IL23R: variants seen among roughly 807,000 people sequenced by gnomAD.
IL23R encodes the protein interleukin 23 receptor, also known as interleukin-23 receptor.
A neutral mutation model predicts 56.9 loss-of-function variants in IL23R; 34 were observed. The observed-to-expected ratio is 0.60, with a 90% CI of 0.45 to 0.80. The LOEUF (loss-of-function observed/expected upper bound fraction) is 0.80, where lower values mean the gene tolerates loss of function less well. IL23R is among the 30% of genes least tolerant of loss of function. The probability of loss-of-function intolerance (pLI) is 0.00; values close to 1 mark genes in which losing one functional copy is unlikely to be tolerated. For missense variants in IL23R, 635 were observed against 730.0 expected (o/e 0.87, Z 1.50); for synonymous variants, 230 against 249.2 (o/e 0.92, Z 0.73).
At chr1:67,222,685 C>A (rs570545121) in intron 7 of IL23R, among the ~76,000 whole-genome samples, 1 of 152,038 alleles carries the variant, frequency 6.6e-6, no homozygotes, top group African/African-American at 2.4e-5. Flanking sequence ...GTGTAATTAG[C>A]GCTACTTTAC....
At chr1:67,258,363 A>G (rs1653064850) in intron 10 of IL23R, 115 bp from the exon 11 acceptor site, 1 of 704,462 alleles carries the variant, frequency 1.4e-6, no homozygotes, top group African/African-American at 1.8e-5. Context: ...ACAATATGAG[A>G]AAATGGAGGG....
At chr1:67,164,173 A>G (rs370266112), upstream of IL23R, among the ~76,000 whole-genome samples, 1 of 152,206 alleles carries the variant, frequency 6.6e-6, no homozygotes, top group South Asian at 2.1e-4. Flanking sequence ...AAAAACAAAA[A>G]CAATAAAGGC....
chr1:67,239,260 G>C (rs1227974858), intron 8 of IL23R, among the ~76,000 whole-genome samples: 7 of 152,058 alleles, frequency 4.6e-5, no homozygotes, highest in African/African-American at 1.7e-4. Flanking sequence ...CATTGGTTTT[G>C]TTTGTTTGTT....
At position 67,177,635 on chromosome 1, in the gene IL23R, T is replaced by C. The variant is rs1027875731; in HGVS notation, c.368-5201T>C. 5.3e-5 allele frequency among the ~76,000 whole-genome samples: 8 copies of C among 151,606 alleles called. 1 individual carries two copies. Among genetic ancestry groups the C allele is most frequent in the African/African-American group, 2.0e-4 (8 of 40,880 alleles). On this transcript the variant is annotated intron_variant, in intron 3 of 10. Transcript: ENST00000347310. The stretch of plus-strand genomic sequence containing the variant: ...CTCTTTAGTTTAATTAGATCCCATT[T>C]GTCAATTTTGGCTTTTGTTGCCATT...
chr1:67,238,031 G>A (rs1651597711), intron 8 of IL23R, among the ~76,000 whole-genome samples: 1 of 152,104 alleles, frequency 6.6e-6, no homozygotes, highest in African/African-American at 2.4e-5. Context: ...AGAAAAGTCA[G>A]GTGGTGGTGA....
chr1:67,245,597 G>A (rs1570917835), intron 9 of IL23R, among the ~76,000 whole-genome samples: 1 of 152,136 alleles, frequency 6.6e-6, no homozygotes, highest in African/African-American at 2.4e-5. Flanking sequence ...TTCTGTTTAT[G>A]TGATGGATTA....
intron 3 of IL23R, among the ~76,000 whole-genome samples, chr1:67,170,858 G>A (rs1371192599): frequency 6.6e-6 from 1 of 152,132 alleles, no homozygotes; most frequent in Non-Finnish European, 1.5e-5. Context: ...GCTCTATAAT[G>A]AGGCCATTGT....
At chr1:67,150,560 T>C (rs574907068) in intron 1 of IL23R, among the ~76,000 whole-genome samples, 1 of 151,044 alleles carries the variant, frequency 6.6e-6, no homozygotes, top group South Asian at 2.1e-4. Flanking sequence ...CTGAAAATGA[T>C]GGCTTCCAGC....
intron 6 of IL23R, among the ~76,000 whole-genome samples, chr1:67,213,861 T>C (rs1183167035): frequency 6.6e-6 from 1 of 152,250 alleles, no homozygotes; most frequent in African/African-American, 2.4e-5. Flanking sequence ...CTTCAGATTT[T>C]GTCTCTGGAG....
At chr1:67,218,974 T>C (rs1006128306) in intron 6 of IL23R, among the ~76,000 whole-genome samples, 4 of 149,446 alleles carry the variant, frequency 2.7e-5, no homozygotes, top group African/African-American at 9.8e-5. Flanking sequence ...CACACACATA[T>C]AAATAAATAA....
chr1:67,252,473 G>C (rs1189713193), intron 9 of IL23R, among the ~76,000 whole-genome samples: 2 of 152,142 alleles, frequency 1.3e-5, no homozygotes, highest in Non-Finnish European at 2.9e-5. Flanking sequence ...GTTTGGAACA[G>C]GAATTTGCTC....
intron 1 of IL23R, among the ~76,000 whole-genome samples, chr1:67,150,943 T>G (rs147788721): frequency 6.6e-6 from 1 of 152,324 alleles, no homozygotes; most frequent in Non-Finnish European, 1.5e-5. Context: ...TGTAGTAGAA[T>G]TATTTATATT....
At chr1:67,216,569 CACAG>C (rs1262280329) in intron 6 of IL23R, among the ~76,000 whole-genome samples, 1 of 152,158 alleles carries the variant, frequency 6.6e-6, no homozygotes, top group African/African-American at 2.4e-5. Context: ...TGAAAGCAGT[CACAG>C]ACAATTATGT....
chr1:67,264,166 C>T (rs541122662), downstream of IL23R, among the ~76,000 whole-genome samples: 4 of 152,334 alleles, frequency 2.6e-5, no homozygotes, highest in African/African-American at 9.6e-5. Context: ...CCTTCCTATA[C>T]TGAGATTAAT....
At chr1:67,202,173 A>T (rs1648685698) in intron 5 of IL23R, among the ~76,000 whole-genome samples, 1 of 152,192 alleles carries the variant, frequency 6.6e-6, no homozygotes, top group African/African-American at 2.4e-5. Flanking sequence ...CAATAAGCTA[A>T]CATTTATTGA....
chr1:67,227,747 T>C (rs904010232), intron 7 of IL23R, among the ~76,000 whole-genome samples: 10 of 152,242 alleles, frequency 6.6e-5, no homozygotes, highest in Non-Finnish European at 1.5e-4. Flanking sequence ...ACTTGTAGAC[T>C]CTATTGGTTA....
chr1:67,191,940 G>A (rs1192067059), intron 4 of IL23R, among the ~76,000 whole-genome samples: 1 of 150,018 alleles, frequency 6.7e-6, no homozygotes, highest in Non-Finnish European at 1.5e-5. Context: ...TAAATTCATA[G>A]TGACCCAGAG....
chr1:67,239,795 A>G (rs1414243636), intron 8 of IL23R, among the ~76,000 whole-genome samples: 1 of 152,242 alleles, frequency 6.6e-6, no homozygotes, highest in African/African-American at 2.4e-5. Flanking sequence ...AAAAAAAATC[A>G]GTATGATTGT....
chr1:67,205,915 C>CTTTTTCTTTCTT (rs1553291059), intron 5 of IL23R, among the ~76,000 whole-genome samples: 1 of 123,134 alleles, frequency 8.1e-6, no homozygotes, highest in Non-Finnish European at 1.8e-5. Flanking sequence ...TTCTTTCTTT[C>CTTTTTCTTTCTT]TTTCTTTCTT....
Sources: gnomAD v4.1 joint callset for allele counts (sites outside exome capture counted in the v4.1 genomes callset) on GRCh38, gnomAD v4.1.1 for gene constraint, MANE v1.5 for transcripts, NCBI Gene and HGNC (gene_info 2026-07-23, HGNC 2026-07-21) for gene names.